CNTNAP2: variants seen among roughly 807,000 people sequenced by gnomAD.
The protein encoded by CNTNAP2 is contactin-associated protein-like 2.
Under a neutral mutation model 155.2 loss-of-function variants are expected in CNTNAP2, and 98 were observed. That is an observed-to-expected ratio of 0.63 (90% CI 0.54 to 0.75). CNTNAP2 has a LOEUF of 0.75. CNTNAP2 is among the 30% of genes least tolerant of loss of function. The pLI is 0.00. For missense variants in CNTNAP2, 1,727 were observed against 1,688.1 expected (o/e 1.02, Z -0.40); for synonymous variants, 651 against 631.2 (o/e 1.03, Z -0.47).
intron 1 of CNTNAP2, among the ~76,000 whole-genome samples, chr7:146,248,246 G>A (rs1313466262): frequency 6.6e-6 from 1 of 151,914 alleles, no homozygotes; most frequent in Non-Finnish European, 1.5e-5. Flanking sequence ...AGCAGGACTT[G>A]CCGCTCAGGG....
chr7:147,860,913 A>C (rs1416905511), intron 13 of CNTNAP2, among the ~76,000 whole-genome samples: 1 of 152,214 alleles, frequency 6.6e-6, no homozygotes, highest in African/African-American at 2.4e-5. Flanking sequence ...GATGATGACA[A>C]AGGGATTTCA....
At chr7:147,346,606 T>A (rs1010989755) in intron 9 of CNTNAP2, among the ~76,000 whole-genome samples, 1 of 152,236 alleles carries the variant, frequency 6.6e-6, no homozygotes, top group South Asian at 2.1e-4. Flanking sequence ...GTTGTGTGAA[T>A]GTGGTGAAGA....
intron 18 of CNTNAP2, among the ~76,000 whole-genome samples, chr7:148,198,376 A>G (rs532923669): frequency 1.3e-5 from 2 of 152,328 alleles, no homozygotes; most frequent in East Asian, 3.9e-4. Context: ...GACCTGTGCA[A>G]TCTTTAACTC....
At chr7:147,280,889 C>A (rs1563144692) in intron 8 of CNTNAP2, among the ~76,000 whole-genome samples, 1 of 151,766 alleles carries the variant, frequency 6.6e-6, no homozygotes, top group African/African-American at 2.4e-5. Flanking sequence ...AACAAAATCT[C>A]AAGTTTTGGA....
At chr7:147,688,954 G>A (rs1036162377) in intron 13 of CNTNAP2, among the ~76,000 whole-genome samples, 3 of 152,006 alleles carry the variant, frequency 2.0e-5, no homozygotes, top group African/African-American at 7.2e-5. Flanking sequence ...ATGCAGTGCT[G>A]GGAATGTTGT....
chr7:147,713,801 A>C (rs1370794657), intron 13 of CNTNAP2, among the ~76,000 whole-genome samples: 2 of 152,156 alleles, frequency 1.3e-5, no homozygotes, highest in Non-Finnish European at 2.9e-5. Context: ...AGTCATTCTA[A>C]TAGGTGTATA....
chr7:146,612,680 T>A (rs1799157873), intron 1 of CNTNAP2, among the ~76,000 whole-genome samples: 1 of 152,158 alleles, frequency 6.6e-6, no homozygotes, highest in South Asian at 2.1e-4. Flanking sequence ...CACGGATTAT[T>A]AAGACGGGTA....
chr7:146,502,571 A>C (rs942893985), intron 1 of CNTNAP2, among the ~76,000 whole-genome samples: 5 of 151,822 alleles, frequency 3.3e-5, no homozygotes, highest in Admixed American at 3.3e-4. Context: ...CTTTTTGATA[A>C]TAGTCATTTT....
chr7:147,060,552 C>A (rs1584811218), intron 4 of CNTNAP2, among the ~76,000 whole-genome samples: 1 of 152,078 alleles, frequency 6.6e-6, no homozygotes, highest in East Asian at 1.9e-4. Flanking sequence ...GAAACCCTGT[C>A]TCTACTAAAA....
intron 12 of CNTNAP2, among the ~76,000 whole-genome samples, chr7:147,580,895 C>CAT (rs1800487979): frequency 6.6e-6 from 1 of 152,188 alleles, no homozygotes; most frequent in Admixed American, 6.5e-5. Flanking sequence ...GGATTACAGG[C>CAT]GTGAGCCAGT....
Position 147,464,157 on chromosome 7 carries a change from G to T in CNTNAP2, c.1671-21778G>T, listed in dbSNP as rs574643518. ...GCTATGATTCTCCACTGTAACTTAT[G>T]ACAATTCTGTGGCATTAAAAAGTAC... On this transcript the variant is annotated intron_variant, in intron 10 of 23. Coordinates refer to ENST00000361727, the MANE Select transcript of CNTNAP2 (RefSeq NM_014141.6). Among the ~76,000 whole-genome samples the T allele has an allele frequency of 2.0e-5, 3 of 152,042 alleles. No homozygotes were observed. In the South Asian group the frequency reaches 6.2e-4, roughly 32 times the overall value.
intron 1 of CNTNAP2, among the ~76,000 whole-genome samples, chr7:146,369,029 G>GTATATATA (rs71525943): frequency 2.9e-5 from 4 of 137,372 alleles, no homozygotes; most frequent in South Asian, 2.4e-4. Context: ...AAAGCATTAT[G>GTATATATA]TATATATATA....
At chr7:148,005,975 G>T (rs1037272070) in intron 15 of CNTNAP2, among the ~76,000 whole-genome samples, 1 of 152,020 alleles carries the variant, frequency 6.6e-6, no homozygotes, top group Non-Finnish European at 1.5e-5. Context: ...TCTCACGAGG[G>T]TCTATGACCC....
At chr7:146,818,541 A>G (rs963663965) in intron 2 of CNTNAP2, among the ~76,000 whole-genome samples, 2 of 152,124 alleles carry the variant, frequency 1.3e-5, no homozygotes, top group Non-Finnish European at 2.9e-5. Context: ...CCTCCATGGA[A>G]AAAGAAAGCA....
chr7:148,259,950 C>T (rs1274850323), intron 20 of CNTNAP2, among the ~76,000 whole-genome samples: 2 of 152,122 alleles, frequency 1.3e-5, no homozygotes, highest in African/African-American at 4.8e-5. Flanking sequence ...AATCTCTTAT[C>T]GCCTCTTAAC....
At chr7:146,715,629 C>G (rs527460725) in intron 1 of CNTNAP2, among the ~76,000 whole-genome samples, 3 of 152,246 alleles carry the variant, frequency 2.0e-5, no homozygotes, top group African/African-American at 7.2e-5. Context: ...ATCACCCTAC[C>G]TAAAGTGATG....
intron 3 of CNTNAP2, among the ~76,000 whole-genome samples, chr7:146,887,103 C>T (rs1391387792): frequency 6.6e-6 from 1 of 151,820 alleles, no homozygotes; most frequent in East Asian, 1.9e-4. Context: ...TAAAAATCTT[C>T]ATTTTTTTCT....
At chr7:146,699,045 G>C (rs1348377473) in intron 1 of CNTNAP2, among the ~76,000 whole-genome samples, 1 of 151,684 alleles carries the variant, frequency 6.6e-6, no homozygotes, top group Non-Finnish European at 1.5e-5. Context: ...TTTATCATTT[G>C]AGGTTTTAAT....
At chr7:146,625,166 A>G (rs191636664) in intron 1 of CNTNAP2, among the ~76,000 whole-genome samples, 43 of 152,128 alleles carry the variant, frequency 2.8e-4, no homozygotes, top group Non-Finnish European at 1.0e-4. Flanking sequence ...CATTGTGCAG[A>G]AGATTGACAC....
Sources: gnomAD v4.1 joint callset for allele counts (sites outside exome capture counted in the v4.1 genomes callset) on GRCh38, gnomAD v4.1.1 for gene constraint, MANE v1.5 for transcripts, NCBI Gene and HGNC (gene_info 2026-07-23, HGNC 2026-07-21) for gene names.